The following THRB variants were observed in gnomAD, a reference collection of about 807,000 sequenced individuals.
THRB encodes the protein thyroid hormone receptor beta.
THRB carries 12 observed loss-of-function variants against 47.8 expected under a neutral mutation model. That is an observed-to-expected ratio of 0.25 (90% CI 0.16 to 0.41). THRB has a LOEUF of 0.41. Ranked by LOEUF, THRB falls within the 10% of genes least tolerant of loss-of-function variation. The pLI, the probability that THRB is intolerant of heterozygous loss-of-function variation, is 1.00. For synonymous variants in THRB, 218 were observed against 212.2 expected, an observed-to-expected ratio of 1.03 and a Z score of -0.24; for missense variants, 348 against 589.2, an observed-to-expected ratio of 0.59 and a Z score of 4.24.
chr3:24,358,200 C>T (rs1393910231), intron 1 of THRB, among the ~76,000 whole-genome samples: 2 of 152,026 alleles, frequency 1.3e-5, no homozygotes, highest in Non-Finnish European at 2.9e-5. Flanking sequence ...TAAATGAGCC[C>T]TTGTCATTTG....
At chr3:24,199,021 G>C (rs1349964512) in intron 4 of THRB, among the ~76,000 whole-genome samples, 1 of 152,158 alleles carries the variant, frequency 6.6e-6, no homozygotes, top group African/African-American at 2.4e-5. Flanking sequence ...GATTTATGGA[G>C]CATTTATTTA....
At chr3:24,289,078 T>C (rs1440133279) in intron 3 of THRB, among the ~76,000 whole-genome samples, 2 of 152,066 alleles carry the variant, frequency 1.3e-5, no homozygotes, top group Non-Finnish European at 2.9e-5. Context: ...TCATGAAAAA[T>C]GGACAAGAGC....
intron 1 of THRB, among the ~76,000 whole-genome samples, chr3:24,474,394 A>C (rs1013995614): frequency 6.6e-6 from 1 of 152,192 alleles, no homozygotes. Context: ...ATACTCTTAT[A>C]CTTCCTCCAT....
intron 1 of THRB, among the ~76,000 whole-genome samples, chr3:24,435,433 C>T (rs1268078415): frequency 6.6e-6 from 1 of 152,076 alleles, no homozygotes; most frequent in Non-Finnish European, 1.5e-5. Flanking sequence ...GCTGCTGTGC[C>T]AAATGTGGCA....
In THRB at chr3:24,122,801, GAAAC is replaced by G. The variant is rs1284789241; in HGVS notation, c.*79_*82del. The G allele has an allele frequency of 5.0e-6, 8 of 1,596,872 alleles. No individual in the cohort carries two copies. Among genetic ancestry groups the G allele is most frequent in the East Asian group, 2.2e-5 (1 of 44,828 alleles). On this transcript the variant is annotated 3_prime_UTR_variant, in exon 11 of 11. Transcript: ENST00000646209. ...CCCAAATAATCCCTCCCAACACAAA[GAAAC>G]AAACAAAAAAGAGCTAGGCAATGGA...
In THRB at chr3:24,172,997, C is replaced by A. The variant is rs188379639; in HGVS notation, c.283+17077G>T. 1.7e-3 allele frequency among the ~76,000 whole-genome samples: 263 copies of A among 152,130 alleles called. 1 individual carries two copies. The highest frequency in any genetic ancestry group is 0.01 in the Middle Eastern group (3 of 294). ...TTAAAAAGAACAGCCTTTTGTGGTT[C>A]CACAAAGATTATAAAAGAGTCCAAA... On this transcript the variant is annotated intron_variant, in intron 5 of 10. Transcript: ENST00000646209.
intron 1 of THRB, among the ~76,000 whole-genome samples, chr3:24,346,091 G>T (rs986847880): frequency 2.0e-5 from 3 of 151,878 alleles, no homozygotes; most frequent in African/African-American, 7.3e-5. Context: ...CAACAGAAAT[G>T]GTAAATACGC....
chr3:24,366,372 C>G (rs561397403), intron 1 of THRB, among the ~76,000 whole-genome samples: 5 of 152,206 alleles, frequency 3.3e-5, no homozygotes, highest in African/African-American at 1.2e-4. Flanking sequence ...TTCATCGTTA[C>G]CCCCATGCTT....
Position 24,127,751 on chromosome 3 carries a change from A to G in THRB, c.892T>C (p.Cys298Arg), listed in dbSNP as rs1419410580. 1 of 1,614,210 alleles carries G rather than the reference A, an allele frequency of 6.2e-7. No individual in the cohort carries two copies. Among genetic ancestry groups the G allele is most frequent in the Non-Finnish European group, 8.5e-7 (1 of 1,180,032 alleles). ...TTGAGGAGGATGATCTGGTCTTCAC[A>G]TGGCAGCTGAAAAGAACCAGTTCAT... ...KKLPMFCELP[C>R]EDQIILLKGC... is the part of the protein sequence containing the mutation. Residue 298 changes from cysteine to arginine, a missense_variant, in exon 10 of 11, where the codon TGT becomes CGT. Around this residue, in one of 5 missense-constraint regions of THRB, gnomAD observed 45 missense variants for 156.2 expected, o/e 0.29. Coordinates refer to ENST00000646209, the MANE Select transcript of THRB (RefSeq NM_001354712.2).
chr3:24,235,557 T>G (rs1010697736), intron 3 of THRB, among the ~76,000 whole-genome samples: 1 of 152,126 alleles, frequency 6.6e-6, no homozygotes, highest in South Asian at 2.1e-4. Context: ...GGCTCATCTA[T>G]TAATACTTCA....
Position 24,223,132 on chromosome 3 carries a change from T to C in THRB, c.22+5806A>G, listed in dbSNP as rs554162337. On this transcript the variant is annotated intron_variant, in intron 4 of 10. Coordinates refer to ENST00000646209, the MANE Select transcript of THRB (RefSeq NM_001354712.2). ...TGTAATCAGTCCTAAGGCCTGGGGA[T>C]TGACTGTCCTGAGTTTGGGAGAAGG... 3.3e-5 allele frequency among the ~76,000 whole-genome samples: 5 copies of C among 152,304 alleles called. No individual in the cohort carries two copies. The East Asian group carries it at 7.7e-4, about 24-fold the overall frequency.
At chr3:24,165,214 G>T in intron 5 of THRB, 1 of 765,072 alleles carries the variant, frequency 1.3e-6, no homozygotes, top group Non-Finnish European at 2.4e-6. Flanking sequence ...TATATATGTT[G>T]TTACTGGGCA....
At chr3:24,146,358 C>T (rs1450864239) in intron 7 of THRB, among the ~76,000 whole-genome samples, 2 of 152,216 alleles carry the variant, frequency 1.3e-5, no homozygotes, top group Non-Finnish European at 2.9e-5. Context: ...TAATCTCTGT[C>T]TCAAACAGAG....
chr3:24,325,177 T>A (rs2058726000), intron 2 of THRB, among the ~76,000 whole-genome samples: 2 of 152,212 alleles, frequency 1.3e-5, no homozygotes, highest in South Asian at 4.1e-4. Context: ...ATCATTCTCA[T>A]GAAAGATTTG....
chr3:24,299,249 TA>T (rs36061929), intron 2 of THRB, among the ~76,000 whole-genome samples: 990 of 70,148 alleles, frequency 0.014, 8 homozygotes, highest in African/African-American at 0.052. Context: ...CTCAGTCTCA[TA>T]AAAAAAAAAA....
chr3:24,336,691 G>A (rs977462351), intron 2 of THRB, among the ~76,000 whole-genome samples: 1 of 151,296 alleles, frequency 6.6e-6, no homozygotes, highest in African/African-American at 2.4e-5. Flanking sequence ...TATCTGACTC[G>A]CTGGAACCAA....
At chr3:24,428,411 T>C (rs1271956424) in intron 1 of THRB, among the ~76,000 whole-genome samples, 4 of 152,058 alleles carry the variant, frequency 2.6e-5, no homozygotes, top group African/African-American at 9.7e-5. Flanking sequence ...TGTATTTCCA[T>C]TGCAAGTGAT....
At chr3:24,284,304 A>C (rs1347383219) in intron 3 of THRB, among the ~76,000 whole-genome samples, 1 of 151,802 alleles carries the variant, frequency 6.6e-6, no homozygotes, top group African/African-American at 2.4e-5. Flanking sequence ...GATCTTTGAC[A>C]AACCTGAGAA....
chr3:24,238,300 G>GGTGTGTGTGT (rs1553662230), intron 3 of THRB, among the ~76,000 whole-genome samples: 2 of 125,672 alleles, frequency 1.6e-5, no homozygotes, highest in African/African-American at 2.7e-5. Context: ...GGGTGTGTGG[G>GGTGTGTGTGT]GTGTGTGTGT....
Sources: allele counts gnomAD v4.1 joint callset (sites outside exome capture counted in the v4.1 genomes callset), GRCh38; gene constraint gnomAD v4.1.1; regional missense constraint gnomAD v4.1.1; transcripts MANE v1.5; gene names NCBI Gene and HGNC (gene_info 2026-07-23, HGNC 2026-07-21).